The following PBRM1 variants were observed in gnomAD, a reference collection of about 807,000 sequenced individuals.
The protein encoded by PBRM1 is protein polybromo-1.
A neutral mutation model predicts 194.5 loss-of-function variants in PBRM1; 27 were observed. That is an observed-to-expected ratio of 0.14 (90% CI 0.10 to 0.19). The LOEUF is 0.19. Ranked by LOEUF, PBRM1 falls within the 10% of genes least tolerant of loss-of-function variation. The pLI is 1.00. For missense variants in PBRM1, 1,466 were observed against 2,077.2 expected, an observed-to-expected ratio of 0.71 and a Z score of 5.72; for synonymous variants, 655 against 693.2, an observed-to-expected ratio of 0.94 and a Z score of 0.87.
chr3:52,547,652 G>C (rs1469958970), downstream of PBRM1: 1 of 233,270 alleles, frequency 4.3e-6, no homozygotes, highest in Non-Finnish European at 8.4e-6. Context: ...AAACTCTTGT[G>C]TGTGTGTGTT....
In PBRM1 at chr3:52,573,544, C is replaced by T. The variant is rs139889598; in HGVS notation, c.3691+2997G>A. Among the ~76,000 whole-genome samples the T allele has an allele frequency of 2.8e-3, 422 of 152,266 alleles. 4 individuals are homozygous for T. Among genetic ancestry groups the T allele is most frequent in the African/African-American group, 9.9e-3 (412 of 41,562 alleles). On this transcript the variant is annotated intron_variant, in intron 22 of 29. Coordinates refer to ENST00000296302, the Ensembl canonical transcript of PBRM1. ...TCCTAATCTCAGGTGATCTGCCTGC[C>T]TCAACCTCCCAAAGTACTGGGATTA...
intron 21 of PBRM1, among the ~76,000 whole-genome samples, chr3:52,577,957 T>A (rs1346857257): frequency 6.6e-6 from 1 of 152,136 alleles, no homozygotes. Context: ...CCCTATGTGA[T>A]ATGCACCCTA....
chr3:52,597,030 G>C (rs2093621065), intron 17 of PBRM1, among the ~76,000 whole-genome samples: 2 of 152,114 alleles, frequency 1.3e-5, no homozygotes, highest in African/African-American at 4.8e-5. Context: ...CACTGGGCTG[G>C]ACAATTCCCC....
intron 22 of PBRM1, among the ~76,000 whole-genome samples, chr3:52,572,012 T>G (rs1343256115): frequency 6.6e-6 from 1 of 151,836 alleles, no homozygotes; most frequent in East Asian, 1.9e-4. Context: ...CACTCCAGTT[T>G]GGATAACAAA....
intron 19 of PBRM1, among the ~76,000 whole-genome samples, chr3:52,586,954 T>A (rs889926957): frequency 6.6e-6 from 1 of 152,110 alleles, no homozygotes; most frequent in African/African-American, 2.4e-5. Flanking sequence ...TTTGAAAACA[T>A]ATGAACATTT....
chr3:52,588,362 T>C (rs1459335365), intron 18 of PBRM1, among the ~76,000 whole-genome samples: 6 of 152,168 alleles, frequency 3.9e-5, no homozygotes, highest in African/African-American at 1.4e-4. Context: ...AGCCAAGGCA[T>C]GTCATTCTAT....
At chr3:52,601,911 T>C (rs1346930034) in intron 17 of PBRM1, among the ~76,000 whole-genome samples, 1 of 152,154 alleles carries the variant, frequency 6.6e-6, no homozygotes, top group Non-Finnish European at 1.5e-5. Flanking sequence ...GGTGAGCTAG[T>C]ACCCGGACCG....
At chr3:52,654,527 C>T (rs147434979) in intron 5 of PBRM1, among the ~76,000 whole-genome samples, 1 of 152,262 alleles carries the variant, frequency 6.6e-6, no homozygotes, top group East Asian at 1.9e-4. Context: ...CTGTCCTGCC[C>T]CTTCAGCTGT....
At chr3:52,584,863 T>G (rs574466446) in intron 20 of PBRM1, among the ~76,000 whole-genome samples, 69 of 152,286 alleles carry the variant, frequency 4.5e-4, no homozygotes, top group African/African-American at 1.6e-3. Flanking sequence ...CTTTGTCCAG[T>G]GTGTAAATTT....
chr3:52,580,753 TTCC>T (rs1465775778), intron 20 of PBRM1, among the ~76,000 whole-genome samples: 1 of 152,210 alleles, frequency 6.6e-6, no homozygotes, highest in Non-Finnish European at 1.5e-5. Flanking sequence ...ATGCCTTAGT[TTCC>T]TCATTTGTGA....
At chr3:52,567,565 CAAAAAAAAAAA>C (rs10644120) in intron 22 of PBRM1, among the ~76,000 whole-genome samples, 1 of 91,710 alleles carries the variant, frequency 1.1e-5, no homozygotes, top group African/African-American at 4.4e-5. Context: ...TAGGTAATCT[CAAAAAAAAAAA>C]AAAAAGAAAA....
chr3:52,634,836 T>C (rs775584506), intron 10 of PBRM1, 21 bp from the exon 12 acceptor site: 19 of 1,543,914 alleles, frequency 1.2e-5, no homozygotes, highest in Non-Finnish European at 1.6e-5. Context: ...AAAAAAAGTA[T>C]TTATAAAGGG....
intron 26 of PBRM1, among the ~76,000 whole-genome samples, chr3:52,555,317 A>C (rs2081984333): frequency 6.6e-6 from 1 of 152,172 alleles, no homozygotes; most frequent in Admixed American, 6.5e-5. Flanking sequence ...CATGAGGGGA[A>C]ATAGGAAGGG....
chr3:52,668,129 T>C (rs1466636504), intron 3 of PBRM1, among the ~76,000 whole-genome samples: 1 of 152,046 alleles, frequency 6.6e-6, no homozygotes, highest in Non-Finnish European at 1.5e-5. Context: ...AACCCTGGTC[T>C]CTACAAAACA....
At chr3:52,619,387 TTAC>T (rs2153513267) in intron 13 of PBRM1, among the ~76,000 whole-genome samples, 1 of 152,302 alleles carries the variant, frequency 6.6e-6, no homozygotes, top group Admixed American at 6.5e-5. Flanking sequence ...CATCTCTAAA[TTAC>T]TTATAATACC....
At chr3:52,624,271 G>C (rs1041766836) in intron 13 of PBRM1, among the ~76,000 whole-genome samples, 1 of 152,180 alleles carries the variant, frequency 6.6e-6, no homozygotes, top group African/African-American at 2.4e-5. Context: ...TTTATAAACT[G>C]TAAGAGCAGA....
chr3:52,608,999 C>T, intron 16 of PBRM1: 1 of 250,376 alleles, frequency 4.0e-6, no homozygotes, highest in Non-Finnish European at 7.7e-6. Context: ...TTACTATTTC[C>T]AATTAGAAAC....
chr3:52,583,086 G>A (rs2091657112), intron 20 of PBRM1, among the ~76,000 whole-genome samples: 1 of 101,312 alleles, frequency 9.9e-6, no homozygotes, highest in Admixed American at 1.5e-4. Flanking sequence ...GACAGAGTGA[G>A]ACTCCATCTC....
chr3:52,573,285 T>C (rs1464471418), intron 22 of PBRM1, among the ~76,000 whole-genome samples: 1 of 151,952 alleles, frequency 6.6e-6, no homozygotes, highest in South Asian at 2.1e-4. Context: ...ACATTTTCTT[T>C]CTTTCTTTTT....
Sources: allele counts gnomAD v4.1 joint callset (sites outside exome capture counted in the v4.1 genomes callset), GRCh38; gene constraint gnomAD v4.1.1; transcripts MANE v1.5; gene names NCBI Gene and HGNC (gene_info 2026-07-23, HGNC 2026-07-21).